ZNF407: variants seen among roughly 807,000 people sequenced by gnomAD.
ZNF407 encodes zinc finger protein 407.
A neutral mutation model predicts 131.2 loss-of-function variants in ZNF407; 17 were observed. The observed-to-expected ratio is 0.13, with a 90% CI of 0.09 to 0.19. ZNF407 has a LOEUF of 0.19. Among genes scored for constraint, ZNF407 ranks in the 10% least tolerant of loss-of-function variants. The probability of loss-of-function intolerance (pLI) is 1.00; values close to 1 mark genes in which losing one functional copy is unlikely to be tolerated. For missense variants in ZNF407, 2,681 were observed against 2,830.6 expected (o/e 0.95, Z 1.20); for synonymous variants, 1,156 against 1,062.0 (o/e 1.09, Z -1.72).
At chr18:75,051,213 G>A (rs966003135) in intron 8 of ZNF407, among the ~76,000 whole-genome samples, 1 of 152,034 alleles carries the variant, frequency 6.6e-6, no homozygotes, top group South Asian at 2.1e-4. Flanking sequence ...ATATAATTAA[G>A]ACATATGTAA....
intron 2 of ZNF407, among the ~76,000 whole-genome samples, chr18:74,639,323 C>G (rs1357610409): frequency 1.3e-5 from 2 of 152,310 alleles, no homozygotes; most frequent in Admixed American, 1.3e-4. Flanking sequence ...AGAGGTTGAT[C>G]TTCTTTGTTT....
intron 8 of ZNF407, among the ~76,000 whole-genome samples, chr18:74,925,943 TC>T (rs975469690): frequency 6.6e-5 from 10 of 152,230 alleles, no homozygotes; most frequent in African/African-American, 2.4e-4. Flanking sequence ...TTTCAGCCTC[TC>T]CTCTCTTTCG....
chr18:74,728,756 C>G (rs187818727), intron 3 of ZNF407, among the ~76,000 whole-genome samples: 1 of 152,000 alleles, frequency 6.6e-6, no homozygotes, highest in African/African-American at 2.4e-5. Flanking sequence ...CAGTGGAGAG[C>G]GTGCTGTGTG....
At chr18:74,919,426 G>T (rs1033121006) in intron 7 of ZNF407, among the ~76,000 whole-genome samples, 4 of 152,190 alleles carry the variant, frequency 2.6e-5, no homozygotes, top group African/African-American at 9.6e-5. Context: ...TGTGAGATGT[G>T]TTGGCTGACT....
chr18:74,932,852 C>T (rs1971997947), intron 8 of ZNF407, among the ~76,000 whole-genome samples: 1 of 152,208 alleles, frequency 6.6e-6, no homozygotes, highest in African/African-American at 2.4e-5. Flanking sequence ...ACTACCACCT[C>T]ATACCTATTC....
intron 8 of ZNF407, among the ~76,000 whole-genome samples, chr18:75,010,996 C>T (rs961433797): frequency 3.9e-5 from 6 of 152,090 alleles, no homozygotes; most frequent in Non-Finnish European, 7.4e-5. Flanking sequence ...TGCTTTATCC[C>T]CTGTGCTTTG....
chr18:74,776,234 C>T (rs1002281876), intron 3 of ZNF407, among the ~76,000 whole-genome samples: 1 of 152,162 alleles, frequency 6.6e-6, no homozygotes, highest in Non-Finnish European at 1.5e-5. Context: ...CTAAGGGGAA[C>T]GGGCCTTCAT....
Position 74,919,093 on chromosome 18 carries a change from C to T in ZNF407, c.5250-1421C>T, listed in dbSNP as rs576101789. On this transcript the variant is annotated intron_variant, in intron 7 of 8. Transcript: ENST00000299687. ...CTGTAGGAAAGGACATCCCTGCACC[C>T]TCTGTCTGGGGAATACCTTTCCTAG... Among the ~76,000 whole-genome samples the T allele has an allele frequency of 1.2e-3, 176 of 152,272 alleles. 1 individual carries two copies. The highest frequency in any genetic ancestry group is 1.9e-3 in the Non-Finnish European group (131 of 68,008).
At chr18:74,620,783 C>A (rs2144637811) in intron 1 of ZNF407, among the ~76,000 whole-genome samples, 1 of 152,256 alleles carries the variant, frequency 6.6e-6, no homozygotes, top group East Asian at 1.9e-4. Flanking sequence ...GGCCTCCTGC[C>A]AGGTGAAGGT....
chr18:74,755,728 C>CCTTCCTTCCTTT (rs1555684064), intron 3 of ZNF407, among the ~76,000 whole-genome samples: 3 of 63,468 alleles, frequency 4.7e-5, no homozygotes, highest in African/African-American at 7.1e-5. Context: ...TTCTTTCTTT[C>CCTTCCTTCCTTT]CTTTCTTTCT....
intron 8 of ZNF407, among the ~76,000 whole-genome samples, chr18:74,975,983 T>C (rs1016911416): frequency 1.1e-4 from 17 of 152,226 alleles, no homozygotes; most frequent in Admixed American, 3.9e-4. Context: ...AGGAGTTTTC[T>C]TTTTTTATTT....
intron 7 of ZNF407, among the ~76,000 whole-genome samples, chr18:74,906,667 C>G (rs911958902): frequency 2.6e-5 from 4 of 152,146 alleles, no homozygotes; most frequent in South Asian, 2.1e-4. Context: ...ATTTACATCT[C>G]TATATGTATA....
chr18:74,643,678 G>A (rs1369893808), intron 3 of ZNF407, among the ~76,000 whole-genome samples: 1 of 151,918 alleles, frequency 6.6e-6, no homozygotes, highest in Non-Finnish European at 1.5e-5. Context: ...ACAACAAACA[G>A]TATTGAGCTC....
intron 4 of ZNF407, among the ~76,000 whole-genome samples, chr18:74,814,731 A>C (rs1970243905): frequency 6.6e-6 from 1 of 152,142 alleles, no homozygotes; most frequent in Non-Finnish European, 1.5e-5. Context: ...AAAATGTATA[A>C]TCTTACTGCG....
chr18:74,981,573 T>C (rs1488116224), intron 8 of ZNF407, among the ~76,000 whole-genome samples: 1 of 152,166 alleles, frequency 6.6e-6, no homozygotes, highest in Admixed American at 6.5e-5. Context: ...TGTTCTCAAG[T>C]ACTTACTTCA....
At chr18:74,788,629 AC>A (rs1175503863) in intron 4 of ZNF407, among the ~76,000 whole-genome samples, 2 of 150,324 alleles carry the variant, frequency 1.3e-5, no homozygotes, top group Admixed American at 1.3e-4. Context: ...AAAAAAAAAA[AC>A]ACCACCACAG....
intron 7 of ZNF407, among the ~76,000 whole-genome samples, chr18:74,915,362 G>C (rs1273476580): frequency 6.8e-6 from 1 of 146,870 alleles, no homozygotes. Flanking sequence ...GCATGTGTGT[G>C]CTGGTATGGT....
intron 4 of ZNF407, among the ~76,000 whole-genome samples, chr18:74,781,727 T>C (rs1445073792): frequency 6.6e-6 from 1 of 152,144 alleles, no homozygotes; most frequent in Non-Finnish European, 1.5e-5. Context: ...TTGGAGGACT[T>C]TGAATTTGTG....
chr18:74,783,346 A>G (rs1221753676), intron 4 of ZNF407, among the ~76,000 whole-genome samples: 1 of 152,188 alleles, frequency 6.6e-6, no homozygotes, highest in East Asian at 1.9e-4. Flanking sequence ...CTGTACTTTT[A>G]AATAGTATAT....
Sources: allele counts gnomAD v4.1 joint callset (sites outside exome capture counted in the v4.1 genomes callset), GRCh38; gene constraint gnomAD v4.1.1; transcripts MANE v1.5; gene names NCBI Gene and HGNC (gene_info 2026-07-23, HGNC 2026-07-21).